The following SANBR variants were observed in gnomAD, a reference collection of about 807,000 sequenced individuals.
The protein encoded by SANBR is SANT and BTB domain regulator of class switch recombination.
SANBR carries 77 observed loss-of-function variants against 101.8 expected under a neutral mutation model. The observed-to-expected ratio is 0.76, with a 90% CI of 0.63 to 0.91. SANBR has a LOEUF of 0.91. SANBR is among the 40% of genes least tolerant of loss of function. The pLI is 0.00. For missense variants in SANBR, 875 were observed against 853.0 expected (o/e 1.03, Z -0.32); for synonymous variants, 279 against 274.7 (o/e 1.02, Z -0.15).
At chr2:61,136,832 G>A (rs1233819062) in intron 21 of SANBR, among the ~76,000 whole-genome samples, 1 of 151,276 alleles carries the variant, frequency 6.6e-6, no homozygotes, top group Non-Finnish European at 1.5e-5. Context: ...TTAGCCAGGC[G>A]TGATGGCAGG....
intron 12 of SANBR, 33 bp from the exon 13 acceptor site, chr2:61,103,820 C>G: frequency 1.2e-6 from 2 of 1,604,296 alleles, no homozygotes; most frequent in South Asian, 1.1e-5. Flanking sequence ...CTATAACAAA[C>G]TAACCTCTAA....
chr2:61,079,342 A>G (rs894824364), intron 6 of SANBR, among the ~76,000 whole-genome samples: 1 of 152,220 alleles, frequency 6.6e-6, no homozygotes, highest in Admixed American at 6.5e-5. Context: ...TTCAATGGGC[A>G]TATACTTGTA....
At chr2:61,084,143 G>A (rs1025659983) in intron 8 of SANBR, among the ~76,000 whole-genome samples, 5 of 152,014 alleles carry the variant, frequency 3.3e-5, no homozygotes, top group Non-Finnish European at 2.9e-5. Flanking sequence ...TTGTAGAGAT[G>A]GGGGTTTGCT....
rs1465457907 is a variant in SANBR at position 61,122,195 on chromosome 2, G to A, written c.*33G>A. On this transcript the variant is annotated 3_prime_UTR_variant, in exon 22 of 22. Coordinates refer to ENST00000402291, the MANE Select transcript of SANBR (RefSeq NM_001129993.3). ...TAAAATATAAGTAAAAAGAGAGAAG[G>A]CACTCTTCTGGACATCTGAAATTGC... 2.6e-6 allele frequency: 4 copies of A among 1,543,768 alleles called. No homozygotes were observed. The Admixed American group carries it at 8.0e-5, about 31-fold the overall frequency.
At chr2:61,134,045 A>G (rs1684769044) in intron 20 of SANBR, 1 of 1,550,882 alleles carries the variant, frequency 6.4e-7, no homozygotes, top group Non-Finnish European at 8.8e-7. Context: ...TTATCCTAAC[A>G]GCTACATCAT....
chr2:61,129,866 AT>A (rs1052793304), intron 20 of SANBR, among the ~76,000 whole-genome samples: 59 of 152,224 alleles, frequency 3.9e-4, no homozygotes, highest in Non-Finnish European at 5.9e-4. Flanking sequence ...CTATAAATAT[AT>A]TTTTTCTCCA....
intron 20 of SANBR, among the ~76,000 whole-genome samples, chr2:61,132,992 C>T (rs1488499220): frequency 6.6e-6 from 1 of 152,154 alleles, no homozygotes; most frequent in Non-Finnish European, 1.5e-5. Flanking sequence ...TGGCTCATGC[C>T]TGTAATCCCA....
intron 21 of SANBR, 57 bp from the exon 22 acceptor site, chr2:61,122,069 C>T: frequency 6.5e-7 from 1 of 1,535,230 alleles, no homozygotes. Flanking sequence ...AAAGGAGCAC[C>T]AACTTCCTAT....
intron 10 of SANBR, 136 bp downstream of exon 10, chr2:61,088,604 T>G: frequency 2.0e-6 from 1 of 503,978 alleles, no homozygotes. Context: ...ACTGCAACCT[T>G]CCGCCTCCCA....
intron 13 of SANBR, 114 bp from the exon 14 acceptor site, chr2:61,106,443 TATACTC>T: frequency 1.5e-6 from 1 of 646,856 alleles, no homozygotes. Flanking sequence ...GTGATATCCT[TATACTC>T]AGGAACTGTA....
intron 6 of SANBR, among the ~76,000 whole-genome samples, chr2:61,080,950 T>A (rs1682091423): frequency 6.6e-6 from 1 of 152,196 alleles, no homozygotes; most frequent in Non-Finnish European, 1.5e-5. Context: ...TTTTTCTGTA[T>A]GTCTGAAAGC....
At chr2:61,112,549 T>C (rs1291744065) in intron 16 of SANBR, among the ~76,000 whole-genome samples, 1 of 151,982 alleles carries the variant, frequency 6.6e-6, no homozygotes, top group Non-Finnish European at 1.5e-5. Context: ...CAGGCTGGAG[T>C]GTAGAGGTGC....
intron 13 of SANBR, among the ~76,000 whole-genome samples, chr2:61,105,025 C>G (rs756087028): frequency 6.6e-6 from 1 of 150,794 alleles, no homozygotes; most frequent in Non-Finnish European, 1.5e-5. Context: ...TTTCTGAAGT[C>G]ACTTTCATCA....
intron 8 of SANBR, among the ~76,000 whole-genome samples, chr2:61,086,659 A>G (rs1682447035): frequency 6.6e-6 from 1 of 152,210 alleles, no homozygotes; most frequent in Non-Finnish European, 1.5e-5. Context: ...GGATTTAGAA[A>G]ACTTTTTTCC....
Position 61,097,685 on chromosome 2 carries a change from C to G in SANBR, c.1213-15C>G, listed in dbSNP as rs1203263780. The G allele has an allele frequency of 6.4e-7, 1 of 1,551,938 alleles. No individual in the cohort carries two copies. The highest frequency in any genetic ancestry group is 1.4e-5 in the African/African-American group (1 of 73,428). On this transcript the variant is annotated splice_polypyrimidine_tract_variant and intron_variant, in intron 11 of 21. Transcript: ENST00000402291. ...TTGTGGAAATAGTAGTTGATTTTAT[C>G]TATGTCTTTATCAGGCCTTTCTCTG...
At chr2:61,092,436 G>C (rs1183267917) in intron 10 of SANBR, 28 bp from the exon 11 acceptor site, 3 of 1,496,674 alleles carry the variant, frequency 2.0e-6, no homozygotes, top group African/African-American at 2.8e-5. Context: ...TATATCACTT[G>C]CTTGTAAAAT....
chr2:61,076,734 A>G (rs1681806033), intron 5 of SANBR, among the ~76,000 whole-genome samples, 186 bp from the exon 6 acceptor site: 1 of 152,210 alleles, frequency 6.6e-6, no homozygotes, highest in African/African-American at 2.4e-5. Context: ...ATTTGCTAAA[A>G]TTAGTCATAA....
At chr2:61,079,043 AAAAAG>A (rs1440776922) in intron 6 of SANBR, among the ~76,000 whole-genome samples, 5 of 152,286 alleles carry the variant, frequency 3.3e-5, no homozygotes, top group South Asian at 4.1e-4. Context: ...TTTCTAAAAA[AAAAAG>A]AAAAGAAAAC....
chr2:61,129,730 A>C (rs1304895049), intron 20 of SANBR, among the ~76,000 whole-genome samples: 1 of 152,130 alleles, frequency 6.6e-6, no homozygotes, highest in Non-Finnish European at 1.5e-5. Flanking sequence ...AGAAATGAGA[A>C]ATAAATTTGA....
Sources: gnomAD v4.1 joint callset for allele counts (sites outside exome capture counted in the v4.1 genomes callset) on GRCh38, gnomAD v4.1.1 for gene constraint, MANE v1.5 for transcripts, NCBI Gene and HGNC (gene_info 2026-07-23, HGNC 2026-07-21) for gene names.